RAB3GAP2: variants seen among roughly 807,000 people sequenced by gnomAD.
RAB3GAP2 encodes the protein RAB3 GTPase activating non-catalytic protein subunit 2.
In RAB3GAP2, 87 loss-of-function variants were observed where a neutral mutation model predicts 185.3. That is an observed-to-expected ratio of 0.47 (90% confidence interval 0.39 to 0.56). RAB3GAP2 has a LOEUF of 0.56. Among genes scored for constraint, RAB3GAP2 ranks in the 20% least tolerant of loss-of-function variants. RAB3GAP2 has a pLI of 0.00. For synonymous variants in RAB3GAP2, 554 were observed against 576.1 expected (o/e 0.96, Z 0.55); for missense variants, 1,492 against 1,638.2 (o/e 0.91, Z 1.54).
At chr1:220,194,959 T>C (rs1270056542) in intron 12 of RAB3GAP2, 119 bp downstream of exon 12, 1 of 1,006,924 alleles carries the variant, frequency 9.9e-7, no homozygotes, top group Non-Finnish European at 1.6e-6. Flanking sequence ...AATTCCACTG[T>C]AATGGCTTTC....
chr1:220,193,434 T>C, intron 12 of RAB3GAP2, 55 bp from the exon 13 acceptor site: 1 of 1,544,114 alleles, frequency 6.5e-7, no homozygotes. Context: ...CAGAAACATA[T>C]AACAGAATAA....
Position 220,210,758 on chromosome 1 carries a change from T to G in RAB3GAP2, c.510+43A>C, listed in dbSNP as rs762876552. 3.9e-6 allele frequency: 6 copies of G among 1,547,364 alleles called. No homozygotes were observed. The South Asian group carries it at 6.8e-5, about 18-fold the overall frequency. On this transcript the variant is annotated intron_variant, in intron 6 of 34. Coordinates refer to ENST00000358951, the MANE Select transcript of RAB3GAP2 (RefSeq NM_012414.4). ...ATAAAGGTGATGCATAACCAGATAT[T>G]GCAGTCAACTAGTGTTTTCCAGCTG...
chr1:220,266,637 TTGGTAGCATGTTC>T, intron 1 of RAB3GAP2: 1 of 1,333,672 alleles, frequency 7.5e-7, no homozygotes, highest in Non-Finnish European at 1.1e-6. Flanking sequence ...AAAATAAATT[TTGGTAGCATGTTC>T]CTGAGAGGTT....
rs953588827 is a variant in RAB3GAP2, at chr1:220,171,948, A to G, written c.2518T>C (p.Ser840Pro). Residue 840 changes from serine (S) to proline (P), a missense_variant, in exon 23 of 35, where the codon TCT becomes CCT. Physicochemically the swap from Ser to Pro is moderately conservative, Grantham distance 74. Around this residue, in one of 5 missense-constraint regions of RAB3GAP2, gnomAD observed 681 missense variants for 689.1 expected, o/e 0.99. Coordinates refer to ENST00000358951, the MANE Select transcript of RAB3GAP2 (RefSeq NM_012414.4). ...GCAACAGAATGCCCAACATGCGCAG[A>G]CAACAGAGCGGCTCCATTGTTCTCA... is the stretch of plus-strand genomic sequence containing the variant. The part of the protein sequence containing the change: ...QSENNGAALL[S>P]AHVGHSVAAQ... 6.2e-7 allele frequency: 1 copy of G among 1,614,094 alleles called. No homozygotes were observed. The highest frequency in any genetic ancestry group is 1.3e-5 in the African/African-American group (1 of 74,930).
intron 13 of RAB3GAP2, among the ~76,000 whole-genome samples, chr1:220,192,990 T>C (rs1658652723): frequency 6.6e-6 from 1 of 152,004 alleles, no homozygotes; most frequent in Non-Finnish European, 1.5e-5. Flanking sequence ...AAATTGACAA[T>C]AACAGTGAGA....
chr1:220,161,442 C>T (rs1334627495), intron 28 of RAB3GAP2, among the ~76,000 whole-genome samples: 1 of 152,098 alleles, frequency 6.6e-6, no homozygotes. Context: ...AACTAGTGTC[C>T]CTGGCCACTC....
chr1:220,172,189 A>G (rs1473637942), intron 22 of RAB3GAP2, 140 bp from the exon 23 acceptor site: 2 of 805,046 alleles, frequency 2.5e-6, no homozygotes, highest in East Asian at 5.3e-5. Flanking sequence ...GAAGTCTAAC[A>G]ATCTATTTTA....
At chr1:220,155,285 G>T (rs559202428) in intron 31 of RAB3GAP2, among the ~76,000 whole-genome samples, 4 of 152,270 alleles carry the variant, frequency 2.6e-5, no homozygotes, top group African/African-American at 9.6e-5. Context: ...CTGCAAGCAG[G>T]TCATCCTAGG....
chr1:220,173,145 C>T (rs1340342558), intron 21 of RAB3GAP2, among the ~76,000 whole-genome samples: 1 of 152,164 alleles, frequency 6.6e-6, no homozygotes, highest in Admixed American at 6.5e-5. Context: ...CTTAGCCTTG[C>T]CTTGGCTGTA....
rs1658525460 is a variant in RAB3GAP2 at position 220,187,354 on chromosome 1, C to CA, written c.1780-1614_1780-1613insT. On this transcript the variant is annotated intron_variant, in intron 17 of 34. Coordinates refer to ENST00000358951, the MANE Select transcript of RAB3GAP2 (RefSeq NM_012414.4). ...TTTTGTTCTAACATTTGGTCTTTGA[C>CA]CCCCCATTTCTGATGGGGAGCTTCT... Among the ~76,000 whole-genome samples the CA allele has an allele frequency of 2.2e-5, 3 of 137,528 alleles. No homozygotes were observed. The South Asian group carries it at 6.8e-4, about 31-fold the overall frequency. 90.2% of individuals were successfully genotyped at this position (137,528 alleles called of 152,430 possible).
chr1:220,243,552 C>A (rs1202927801), intron 1 of RAB3GAP2, among the ~76,000 whole-genome samples: 1 of 152,144 alleles, frequency 6.6e-6, no homozygotes, highest in Admixed American at 6.5e-5. Flanking sequence ...GATTCGGACC[C>A]ACGCAGGCTA....
At chr1:220,241,992 T>C (rs1659705238) in intron 1 of RAB3GAP2, among the ~76,000 whole-genome samples, 1 of 152,130 alleles carries the variant, frequency 6.6e-6, no homozygotes, top group Non-Finnish European at 1.5e-5. Flanking sequence ...CTGCATGTTC[T>C]AGAGAAACCA....
At chr1:220,246,768 C>G (rs550683677) in intron 1 of RAB3GAP2, among the ~76,000 whole-genome samples, 8 of 119,236 alleles carry the variant, frequency 6.7e-5, no homozygotes, top group East Asian at 2.6e-4. Context: ...TGAGGACTGT[C>G]GTGGGGTGGG....
rs1658528268 is a variant in RAB3GAP2, at chr1:220,187,532, C to T, written c.1780-1791G>A. On this transcript the variant is annotated intron_variant, in intron 17 of 34. Coordinates refer to ENST00000358951, the MANE Select transcript of RAB3GAP2 (RefSeq NM_012414.4). ...TGAAACTTTTAGCCCAACCCCTGACCTCTGGGGAGCCAAGAGGAGCTGGAA... is the reference window on the plus strand; with the variant it reads ...TGAAACTTTTAGCCCAACCCCTGACTTCTGGGGAGCCAAGAGGAGCTGGAA... 2.0e-5 allele frequency among the ~76,000 whole-genome samples: 3 copies of T among 152,166 alleles called. No homozygotes were observed. The South Asian group carries it at 6.2e-4, about 32-fold the overall frequency.
chr1:220,211,209 G>A (rs1295132639), intron 4 of RAB3GAP2: 2 of 685,818 alleles, frequency 2.9e-6, no homozygotes, highest in Admixed American at 4.1e-5. Flanking sequence ...ACATGCATTT[G>A]AGGTTAATAA....
At position 220,197,394 on chromosome 1, in the gene RAB3GAP2, C is replaced by T. The variant is rs527821320; in HGVS notation, c.812-996G>A. Among the ~76,000 whole-genome samples the T allele has an allele frequency of 2.0e-5, 3 of 152,292 alleles. No individual in the cohort carries two copies. In the South Asian group the frequency reaches 6.2e-4, roughly 32 times the overall value. On this transcript the variant is annotated intron_variant, in intron 9 of 34. Transcript: ENST00000358951. ...TCAAAAAATGCATTCGTCCTTAAGA[C>T]GTGTCCTAGGAAAGGAAATTCTTTG...
At chr1:220,210,759 G>T in intron 6 of RAB3GAP2, 42 bp downstream of exon 6, 2 of 1,547,226 alleles carry the variant, frequency 1.3e-6, no homozygotes, top group East Asian at 2.3e-5. Context: ...ACCAGATATT[G>T]CAGTCAACTA....
At chr1:220,192,014 T>C (rs1322590075) in intron 13 of RAB3GAP2, among the ~76,000 whole-genome samples, 7 of 152,014 alleles carry the variant, frequency 4.6e-5, no homozygotes, top group Admixed American at 2.6e-4. Context: ...GTCCCTCACA[T>C]AGGCAATTGA....
At chr1:220,254,925 A>G (rs765370610) in intron 1 of RAB3GAP2, among the ~76,000 whole-genome samples, 8 of 149,720 alleles carry the variant, frequency 5.3e-5, no homozygotes, top group Non-Finnish European at 1.0e-4. Context: ...TTCAGTGTAT[A>G]TAACTGAACA....
Sources: allele counts gnomAD v4.1 joint callset (sites outside exome capture counted in the v4.1 genomes callset), GRCh38; gene constraint gnomAD v4.1.1; regional missense constraint gnomAD v4.1.1; transcripts MANE v1.5; gene names NCBI Gene and HGNC (gene_info 2026-07-23, HGNC 2026-07-21).